CAPN8: variants seen among roughly 807,000 people sequenced by gnomAD.
The protein encoded by CAPN8 is calpain-8.
A neutral mutation model predicts 80.9 loss-of-function variants in CAPN8; 87 were observed. The ratio of observed to expected loss-of-function variants is 1.07; its 90% CI spans 0.90 to 1.28. The LOEUF is 1.28. CAPN8 is among the 50% of genes most tolerant of loss of function. The pLI, the probability that CAPN8 is intolerant of heterozygous loss-of-function variation, is 0.00. For missense variants in CAPN8, 757 were observed against 702.0 expected (o/e 1.08, Z -0.89); for synonymous variants, 299 against 273.8 (o/e 1.09, Z -0.91).
At chr1:223,609,404 C>T (rs1656978156) in intron 11 of CAPN8, 40 bp from the exon 12 acceptor site, 1 of 398,540 alleles carries the variant, frequency 2.5e-6, no homozygotes, top group Non-Finnish European at 4.4e-6. Context: ...CTTGTTAAAT[C>T]CTGGAAGATG....
In CAPN8 at chr1:223,644,987, T is replaced by G. The variant is rs371161315; in HGVS notation, c.307+9343A>C. 4.6e-5 allele frequency among the ~76,000 whole-genome samples: 7 copies of G among 152,228 alleles called. No homozygotes were observed. The East Asian group carries it at 1.4e-3, about 29-fold the overall frequency. On this transcript the variant is annotated intron_variant, in intron 2 of 20. Transcript: ENST00000366872. The stretch of plus-strand genomic sequence containing the variant: ...TGATTCACACGGTCACAAGGTAAAA[T>G]TCCACAATAAGCCGTCTGCAAGCTG...
intron 16 of CAPN8, among the ~76,000 whole-genome samples, chr1:223,547,341 T>TA (rs1013171949): frequency 2.6e-5 from 4 of 152,164 alleles, no homozygotes; most frequent in African/African-American, 9.7e-5. Context: ...TCATGTTCAG[T>TA]AAAAAAAGTC....
chr1:223,551,600 G>A (rs1177382552), intron 14 of CAPN8, among the ~76,000 whole-genome samples: 1 of 152,228 alleles, frequency 6.6e-6, no homozygotes, highest in African/African-American at 2.4e-5. Flanking sequence ...CTTTCACAGG[G>A]CTCGCTTGAA....
chr1:223,619,872 G>A (rs1444511107), intron 8 of CAPN8, among the ~76,000 whole-genome samples: 1 of 152,146 alleles, frequency 6.6e-6, no homozygotes, highest in African/African-American at 2.4e-5. Flanking sequence ...ACTAGCAAAG[G>A]AAGTTCTCCC....
chr1:223,658,375 G>A (rs1354686174), intron 1 of CAPN8, among the ~76,000 whole-genome samples: 2 of 152,156 alleles, frequency 1.3e-5, no homozygotes, highest in Non-Finnish European at 2.9e-5. Context: ...TTTGTAGGTA[G>A]ATGGAATGTC....
intron 1 of CAPN8, among the ~76,000 whole-genome samples, chr1:223,658,284 T>C (rs1397110161): frequency 6.6e-6 from 1 of 152,150 alleles, no homozygotes; most frequent in Non-Finnish European, 1.5e-5. Flanking sequence ...TGCTAAAATG[T>C]TGAGTTTGGG....
At position 223,627,081 on chromosome 1, in the gene CAPN8, CAG is replaced by C; in HGVS notation, c.635_636del (p.Ser212Ter). ...GGTGGTTTCTTCAGGTCATAAAACT[CAG>C]AGATGCCACCTGTGAAATCCTCAAA... is the stretch of plus-strand genomic sequence containing the variant. ...EGFEDFTGGI[S>X]EFYDLKKPPA... is the part of the protein sequence containing the mutation. On this transcript the variant is annotated frameshift_variant, in exon 5 of 21. Transcript: ENST00000366872. LOFTEE classifies it high-confidence loss of function. 6.4e-7 allele frequency: 1 copy of C among 1,552,226 alleles called. No homozygotes were observed. The highest frequency in any genetic ancestry group is 8.7e-7 in the Non-Finnish European group (1 of 1,147,112).
intron 6 of CAPN8, among the ~76,000 whole-genome samples, chr1:223,623,157 A>G (rs1657453842): frequency 6.6e-6 from 1 of 152,258 alleles, no homozygotes; most frequent in Non-Finnish European, 1.5e-5. Flanking sequence ...TGTCTGCTTT[A>G]ACTCAGATTT....
intron 1 of CAPN8, among the ~76,000 whole-genome samples, chr1:223,656,084 G>A (rs1477757610): frequency 1.3e-5 from 2 of 152,140 alleles, no homozygotes. Context: ...AACCTTCCAG[G>A]TGGCAGCCCC....
At chr1:223,547,017 G>A (rs190590337) in intron 16 of CAPN8, among the ~76,000 whole-genome samples, 1 of 152,128 alleles carries the variant, frequency 6.6e-6, no homozygotes, top group Non-Finnish European at 1.5e-5. Context: ...AGGCTCAAGC[G>A]ATTCTCGTGC....
At chr1:223,556,407 G>T (rs1011951167) in intron 13 of CAPN8, among the ~76,000 whole-genome samples, 23 of 152,270 alleles carry the variant, frequency 1.5e-4, no homozygotes, top group African/African-American at 5.3e-4. Context: ...AGGATCTTGG[G>T]GATATGGGAA....
At chr1:223,647,042 T>A (rs1658211659) in intron 2 of CAPN8, among the ~76,000 whole-genome samples, 2 of 152,118 alleles carry the variant, frequency 1.3e-5, no homozygotes, top group Non-Finnish European at 2.9e-5. Context: ...TCAGGGGGTG[T>A]CTTCCTGGGG....
rs1657445398 is a variant in CAPN8, at chr1:223,622,859, C to T, written c.855G>A (p.Arg285=). 6.4e-7 allele frequency: 1 copy of T among 1,551,736 alleles called. No homozygotes were observed. The highest frequency in any genetic ancestry group is 2.4e-5 in the East Asian group (1 of 40,922). ...QGHPEKLIRL[R]NPWGEVEWSG... is the part of the protein sequence containing the mutation. ...ACCACTCCACTTCACCCCATGGATT[C>T]CTGAGTCTGATCAGCTTCTCTGGAT... is the stretch of plus-strand genomic sequence containing the variant. Residue 285 remains arginine (R), a synonymous_variant, in exon 7 of 21, where the codon AGG becomes AGA. Transcript: ENST00000366872.
At chr1:223,656,051 T>C (rs1317019600) in intron 1 of CAPN8, among the ~76,000 whole-genome samples, 1 of 152,074 alleles carries the variant, frequency 6.6e-6, no homozygotes, top group East Asian at 1.9e-4. Flanking sequence ...GTGGGGATTC[T>C]GGGATTCTGC....
chr1:223,634,191 C>T (rs1381009316), intron 2 of CAPN8, among the ~76,000 whole-genome samples: 3 of 152,176 alleles, frequency 2.0e-5, no homozygotes, highest in Non-Finnish European at 4.4e-5. Context: ...AAAGTCAGCT[C>T]AATCCTATTG....
intron 14 of CAPN8, among the ~76,000 whole-genome samples, chr1:223,553,162 C>T (rs1471186138): frequency 3.3e-5 from 5 of 152,214 alleles, no homozygotes; most frequent in Admixed American, 6.5e-5. Flanking sequence ...GTAACACATT[C>T]GCTGTATTTA....
At chr1:223,545,145 A>T in intron 17 of CAPN8, 86 bp downstream of exon 17, 2 of 1,541,716 alleles carry the variant, frequency 1.3e-6, no homozygotes, top group Non-Finnish European at 1.8e-6. Context: ...ATGATTAAGG[A>T]TGTGGTCAGA....
chr1:223,643,242 G>A (rs1172524415), intron 2 of CAPN8, among the ~76,000 whole-genome samples: 1 of 152,236 alleles, frequency 6.6e-6, no homozygotes, highest in Non-Finnish European at 1.5e-5. Context: ...GCTAGGGACA[G>A]CCCTGACACA....
intron 2 of CAPN8, among the ~76,000 whole-genome samples, chr1:223,649,038 C>T (rs1389007003): frequency 1.3e-5 from 2 of 152,216 alleles, no homozygotes; most frequent in Non-Finnish European, 2.9e-5. Flanking sequence ...TCAAAAAGCA[C>T]TCTAATTTCT....
Sources: allele counts gnomAD v4.1 joint callset (sites outside exome capture counted in the v4.1 genomes callset), GRCh38; gene constraint gnomAD v4.1.1; transcripts MANE v1.5; gene names NCBI Gene and HGNC (gene_info 2026-07-23, HGNC 2026-07-21).